The following RIC3 variants were observed in gnomAD, a reference collection of about 807,000 sequenced individuals.
RIC3 encodes the protein RIC3 acetylcholine receptor chaperone, also known as protein RIC-3.
A neutral mutation model predicts 27.3 loss-of-function variants in RIC3; 28 were observed. The ratio of observed to expected loss-of-function variants is 1.02; its 90% CI spans 0.76 to 1.41. The LOEUF is 1.41. Ranked by LOEUF, RIC3 falls within the 40% of genes most tolerant of loss-of-function variation. RIC3 has a pLI of 0.00. For missense variants in RIC3, 501 were observed against 444.7 expected (o/e 1.13, Z -1.14); for synonymous variants, 184 against 160.4 (o/e 1.15, Z -1.11).
At chr11:8,113,152 ACC>A (rs1945456803) in intron 5 of RIC3, among the ~76,000 whole-genome samples, 1 of 152,218 alleles carries the variant, frequency 6.6e-6, no homozygotes, top group Non-Finnish European at 1.5e-5. Flanking sequence ...ACCCTCAGCC[ACC>A]ATGGTCAAGG....
At chr11:8,159,728 T>C (rs10839985) in intron 1 of RIC3, among the ~76,000 whole-genome samples, 39,466 of 152,140 alleles carry the variant, frequency 0.26, 5,212 homozygotes, top group East Asian at 0.44. Context: ...TGGTGGCTCA[T>C]GTCTGTAACT....
Position 8,106,333 on chromosome 11 carries a change from C to G in RIC3, c.*4365G>C, listed in dbSNP as rs992180518. On this transcript the variant is annotated 3_prime_UTR_variant, in exon 6 of 6. Coordinates refer to ENST00000309737, the MANE Select transcript of RIC3 (RefSeq NM_001206671.4). ...CTTTCATTCATTGTTTCCTAGGAGC[C>G]TCAGGTGGGTAAGTAGGTGATAATA... 3.3e-5 allele frequency: 5 copies of G among 152,124 alleles called. No individual in the cohort carries two copies. The highest frequency in any genetic ancestry group is 2.0e-4 in the Admixed American group (3 of 15,276). The allele number at this position is 152,124 out of a possible 1,614,324, so 9.4% of individuals were successfully genotyped here.
the RIC3 span, chr11:8,096,870 T>C: frequency 1.3e-6 from 2 of 1,579,320 alleles, no homozygotes; most frequent in Non-Finnish European, 1.7e-6. Flanking sequence ...AGAGGTGGAC[T>C]GCATGTGAAG....
At chr11:8,105,835 A>T (rs1272083596), downstream of RIC3, 1 of 152,034 alleles carries the variant, frequency 6.6e-6, no homozygotes. Flanking sequence ...AAAGCTGGAG[A>T]TGAGGCTGAG....
chr11:8,139,918 C>T, intron 2 of RIC3, 49 bp downstream of exon 2: 2 of 1,473,052 alleles, frequency 1.4e-6, no homozygotes, highest in South Asian at 1.2e-5. Context: ...ATTTTTATTG[C>T]CATATTAGAT....
At chr11:8,104,264 GTTTAGGCA>G, downstream of RIC3, 1 of 152,344 alleles carries the variant, frequency 6.6e-6, no homozygotes, top group African/African-American at 2.4e-5. Context: ...TTGGGAGTGA[GTTTAGGCA>G]GCTTCTCTGT....
rs1053563595 is a variant in RIC3 at position 8,117,145 on chromosome 11, T to C, written c.671-6008A>G. 2.0e-5 allele frequency among the ~76,000 whole-genome samples: 3 copies of C among 152,316 alleles called. No individual in the cohort carries two copies. In the South Asian group the frequency reaches 6.2e-4, roughly 32 times the overall value. ...GTGCAGTGGCACAATCTCAGCTCACTGCAGTCTCCACCTCTTGGACTCATC... is the reference window on the plus strand; with the variant it reads ...GTGCAGTGGCACAATCTCAGCTCACCGCAGTCTCCACCTCTTGGACTCATC... On this transcript the variant is annotated intron_variant, in intron 5 of 5. Coordinates refer to ENST00000309737, the MANE Select transcript of RIC3 (RefSeq NM_001206671.4).
intron 5 of RIC3, 43 bp from the exon 6 acceptor site, chr11:8,111,180 T>G: frequency 8.5e-7 from 1 of 1,181,046 alleles, no homozygotes; most frequent in Non-Finnish European, 1.1e-6. Context: ...GAATGTCTCC[T>G]CAAAAAAAAA....
At chr11:8,100,610 C>T in the RIC3 span, 4 of 1,611,258 alleles carry the variant, frequency 2.5e-6, no homozygotes, top group African/African-American at 1.3e-5. Context: ...ACGTGAGTGT[C>T]TACCCCTTCC....
chr11:8,100,390 C>T, the RIC3 span: 19 of 820,584 alleles, frequency 2.3e-5, no homozygotes, highest in South Asian at 4.5e-5. Context: ...GTGTGTTAGA[C>T]TTCGGAGTGG....
rs958330005 is a variant in RIC3 at position 8,138,353 on chromosome 11, A to G, written c.352-6T>C. ...GTTGTTTTCCCCTTTGAGAGCTGAG[A>G]ATTGAAGGAGGTATAGCACATCAAC... On this transcript the variant is annotated splice_region_variant and splice_polypyrimidine_tract_variant and intron_variant, in intron 2 of 5. Transcript: ENST00000309737. The G allele has an allele frequency of 1.3e-6, 2 of 1,599,696 alleles. No individual in the cohort carries two copies. Among genetic ancestry groups the G allele is most frequent in the Non-Finnish European group, 1.7e-6 (2 of 1,167,064 alleles).
At chr11:8,117,915 T>G (rs1213865932) in intron 5 of RIC3, among the ~76,000 whole-genome samples, 1 of 152,038 alleles carries the variant, frequency 6.6e-6, no homozygotes, top group Non-Finnish European at 1.5e-5. Context: ...AAGCCATCAT[T>G]ACTGGTTACT....
chr11:8,105,338 A>T (rs1944508958), downstream of RIC3: 1 of 151,952 alleles, frequency 6.6e-6, no homozygotes, highest in Non-Finnish European at 1.5e-5. Context: ...CAGAGTTGGG[A>T]CTCTATACTA....
intron 1 of RIC3, among the ~76,000 whole-genome samples, chr11:8,155,024 G>GT (rs541552503): frequency 6.6e-6 from 1 of 151,984 alleles, no homozygotes; most frequent in South Asian, 2.1e-4. Flanking sequence ...TTCAAGACCA[G>GT]TCTGGGCAAG....
intron 1 of RIC3, among the ~76,000 whole-genome samples, chr11:8,142,275 G>A (rs566966407): frequency 9.0e-5 from 12 of 133,596 alleles, no homozygotes; most frequent in East Asian, 6.6e-4. Flanking sequence ...TTGATAGACC[G>A]CTAGCAACAC....
In RIC3 at chr11:8,118,457, G is replaced by T. The variant is rs534755091; in HGVS notation, c.671-7320C>A. Among the ~76,000 whole-genome samples the T allele has an allele frequency of 2.0e-3, 270 of 136,676 alleles. 1 individual carries two copies. Among genetic ancestry groups the T allele is most frequent in the South Asian group, 5.0e-3 (21 of 4,180 alleles). The allele number at this position is 136,676 out of a possible 152,430, so 89.7% of individuals were successfully genotyped here. On this transcript the variant is annotated intron_variant, in intron 5 of 5. Coordinates refer to ENST00000309737, the MANE Select transcript of RIC3 (RefSeq NM_001206671.4). ...GAAGATACTGCATTGATAAAACCTA[G>T]CCAGGCTTCAATTTAAAAAGGTAGC...
At chr11:8,167,665 G>A (rs901866002) in intron 1 of RIC3, among the ~76,000 whole-genome samples, 1 of 146,728 alleles carries the variant, frequency 6.8e-6, no homozygotes, top group African/African-American at 2.5e-5. Flanking sequence ...AAAAGTTTTC[G>A]AAGAATCTTC....
chr11:8,101,929 C>CCTG, downstream of RIC3: 1 of 361,424 alleles, frequency 2.8e-6, no homozygotes, highest in Non-Finnish European at 5.1e-6. Context: ...GCTGAGCAAC[C>CCTG]TCTTCAGCTG....
At chr11:8,146,026 G>A (rs1338326497) in intron 1 of RIC3, among the ~76,000 whole-genome samples, 4 of 152,196 alleles carry the variant, frequency 2.6e-5, no homozygotes, top group Non-Finnish European at 5.9e-5. Flanking sequence ...TCCCACTCTG[G>A]TGAATAAATC....
Sources: allele counts gnomAD v4.1 joint callset (sites outside exome capture counted in the v4.1 genomes callset), GRCh38; gene constraint gnomAD v4.1.1; transcripts MANE v1.5; gene names NCBI Gene and HGNC (gene_info 2026-07-23, HGNC 2026-07-21).